PRKCB: variants seen among roughly 807,000 people sequenced by gnomAD.
PRKCB encodes protein kinase C beta.
Under a neutral mutation model 81.5 loss-of-function variants are expected in PRKCB, and 13 were observed. That is an observed-to-expected ratio of 0.16 (90% CI 0.10 to 0.25). PRKCB has a LOEUF of 0.25. PRKCB is among the 10% of genes least tolerant of loss of function. The probability of loss-of-function intolerance (pLI) is 1.00; values close to 1 mark genes in which losing one functional copy is unlikely to be tolerated. For missense variants in PRKCB, 509 were observed against 875.7 expected, an observed-to-expected ratio of 0.58 and a Z score of 5.29; for synonymous variants, 335 against 321.4, an observed-to-expected ratio of 1.04 and a Z score of -0.45.
chr16:24,048,232 C>T (rs1260776508), intron 5 of PRKCB, among the ~76,000 whole-genome samples: 2 of 152,196 alleles, frequency 1.3e-5, no homozygotes, highest in African/African-American at 4.8e-5. Context: ...ACCTGTAGTC[C>T]CAGCTACTTG....
rs2141966264 is a variant in PRKCB, at chr16:24,172,501, A to G, written c.1331+140A>G. ...GAAAAAATATTTAGCCAGGGAAGAAAGGTGTTCTGCTTAATATGAGATACT... is the reference window on the plus strand; with the variant it reads ...GAAAAAATATTTAGCCAGGGAAGAAGGGTGTTCTGCTTAATATGAGATACT... On this transcript the variant is annotated intron_variant, in intron 11 of 16. Coordinates refer to ENST00000643927, the MANE Select transcript of PRKCB (RefSeq NM_002738.7). The G allele has an allele frequency of 4.4e-6, 3 of 676,494 alleles. No homozygotes were observed. In the South Asian group the frequency reaches 5.5e-5, roughly 12 times the overall value. 41.9% of individuals were successfully genotyped at this position (676,494 alleles called of 1,614,324 possible).
intron 5 of PRKCB, among the ~76,000 whole-genome samples, chr16:24,039,799 C>A (rs185577336): frequency 4.6e-5 from 7 of 152,332 alleles, no homozygotes; most frequent in African/African-American, 1.7e-4. Flanking sequence ...CAGCATCTGG[C>A]ACACTCAAGT....
intron 3 of PRKCB, 69 bp from the exon 4 acceptor site, chr16:24,032,067 T>C: frequency 8.8e-7 from 1 of 1,138,788 alleles, no homozygotes; most frequent in Non-Finnish European, 1.3e-6. Context: ...CCAGTGCCTC[T>C]CGATGTAGGA....
At chr16:24,051,649 G>C (rs1418815091) in intron 5 of PRKCB, among the ~76,000 whole-genome samples, 1 of 151,596 alleles carries the variant, frequency 6.6e-6, no homozygotes, top group Non-Finnish European at 1.5e-5. Context: ...CTGAGGTGAA[G>C]AATCACTTGA....
chr16:24,154,416 G>A (rs1219351925), intron 9 of PRKCB, among the ~76,000 whole-genome samples: 8 of 152,178 alleles, frequency 5.3e-5, no homozygotes, highest in Admixed American at 2.0e-4. Flanking sequence ...CCAGGATTTC[G>A]AGTCCGCAGT....
chr16:24,117,188 A>G (rs1465479281), intron 8 of PRKCB, among the ~76,000 whole-genome samples: 1 of 152,246 alleles, frequency 6.6e-6, no homozygotes, highest in African/African-American at 2.4e-5. Flanking sequence ...AGCACCCGGA[A>G]TGACTCAGAA....
intron 8 of PRKCB, among the ~76,000 whole-genome samples, chr16:24,114,327 G>A (rs1224703491): frequency 6.6e-6 from 1 of 151,404 alleles, no homozygotes; most frequent in Non-Finnish European, 1.5e-5. Context: ...GAGTCAACTA[G>A]GCTTGCTGAT....
At chr16:23,966,610 C>T (rs955931373) in intron 2 of PRKCB, among the ~76,000 whole-genome samples, 16 of 152,174 alleles carry the variant, frequency 1.1e-4, no homozygotes, top group Non-Finnish European at 2.2e-4. Context: ...GATTGTGTCT[C>T]GCCTGCCTTT....
At chr16:23,883,442 G>T (rs550501807) in intron 2 of PRKCB, among the ~76,000 whole-genome samples, 105 of 152,242 alleles carry the variant, frequency 6.9e-4, no homozygotes, top group Non-Finnish European at 1.1e-3. Flanking sequence ...ATCATAAGGG[G>T]CCCCACAGGA....
At chr16:24,032,111 C>A (rs576439277) in intron 3 of PRKCB, 25 bp from the exon 4 acceptor site, 1 of 1,544,070 alleles carries the variant, frequency 6.5e-7, no homozygotes, top group African/African-American at 1.4e-5. Flanking sequence ...ACGCTGGCTC[C>A]TTCTGTTGTT....
chr16:24,206,114 T>C (rs1357112856), intron 16 of PRKCB, among the ~76,000 whole-genome samples: 2 of 152,180 alleles, frequency 1.3e-5, no homozygotes, highest in African/African-American at 2.4e-5. Context: ...ACATAAGAGA[T>C]AAAAGATCCC....
chr16:23,884,087 A>G (rs1435517259), intron 2 of PRKCB, among the ~76,000 whole-genome samples: 6 of 152,200 alleles, frequency 3.9e-5, no homozygotes, highest in Admixed American at 1.3e-4. Flanking sequence ...TCTCAATTCA[A>G]CCACACTTCA....
At chr16:24,115,845 C>T (rs1037523902) in intron 8 of PRKCB, among the ~76,000 whole-genome samples, 1 of 152,140 alleles carries the variant, frequency 6.6e-6, no homozygotes, top group African/African-American at 2.4e-5. Context: ...CCTGCCTCAG[C>T]CTCCCGAGTA....
intron 2 of PRKCB, among the ~76,000 whole-genome samples, chr16:23,987,373 T>C (rs1054772693): frequency 6.8e-6 from 1 of 147,220 alleles, no homozygotes; most frequent in African/African-American, 2.5e-5. Context: ...GCCTTGTAGT[T>C]TTCTACATTC....
At chr16:24,036,956 G>T (rs1965630037) in intron 5 of PRKCB, among the ~76,000 whole-genome samples, 2 of 152,146 alleles carry the variant, frequency 1.3e-5, no homozygotes, top group African/African-American at 4.8e-5. Context: ...AACCTTACGT[G>T]TTATCTCTTT....
intron 3 of PRKCB, among the ~76,000 whole-genome samples, chr16:24,001,123 T>C (rs1018896578): frequency 6.6e-6 from 1 of 152,170 alleles, no homozygotes; most frequent in African/African-American, 2.4e-5. Context: ...TCCTGCTCTA[T>C]AAGGGATACA....
chr16:23,957,663 C>G (rs984974873), intron 2 of PRKCB, among the ~76,000 whole-genome samples: 11 of 152,050 alleles, frequency 7.2e-5, no homozygotes, highest in Non-Finnish European at 1.3e-4. Context: ...CACCCCTCAC[C>G]TTAGTATTTG....
rs111892972 is a variant in PRKCB, at chr16:24,094,435, T to C, written c.821+138T>C. 3.1e-5 allele frequency: 37 copies of C among 1,197,570 alleles called. 1 individual carries two copies. The highest frequency in any genetic ancestry group is 2.6e-4 in the African/African-American group (17 of 65,082). The allele number at this position is 1,197,570 out of a possible 1,614,324, so 74.2% of individuals were successfully genotyped here. A position where few individuals can be genotyped will look rare whatever the true frequency, so the allele number is the denominator to read the frequency against. ...TGAAGTCTGGTTGATTGGATCTGCC[T>C]TGCAGATATGTTTTGTTTGGTCCTT... is the stretch of plus-strand genomic sequence containing the variant. On this transcript the variant is annotated intron_variant, in intron 7 of 16. Transcript: ENST00000643927.
In PRKCB at chr16:24,184,701, C is replaced by T. The variant is rs28446578; in HGVS notation, c.1534-410C>T. On this transcript the variant is annotated intron_variant, in intron 13 of 16. Transcript: ENST00000643927. ...GTGACAAATGTTGTTATCTCTTAAA[C>T]GTTTTTATGTTTAATTATGTTTTAA... is the stretch of plus-strand genomic sequence containing the variant. Among the ~76,000 whole-genome samples the T allele has an allele frequency of 4.7e-3, 708 of 152,122 alleles. 9 individuals carry two copies. Among genetic ancestry groups the T allele is most frequent in the African/African-American group, 0.015 (640 of 41,488 alleles).
Sources: allele counts gnomAD v4.1 joint callset (sites outside exome capture counted in the v4.1 genomes callset), GRCh38; gene constraint gnomAD v4.1.1; transcripts MANE v1.5; gene names NCBI Gene and HGNC (gene_info 2026-07-23, HGNC 2026-07-21).